Variants in KIF26A observed in about 807,000 individuals in gnomAD.
The protein encoded by KIF26A is kinesin family member 26A, also known as kinesin-like protein KIF26A.
Under a neutral mutation model 126.0 loss-of-function variants are expected in KIF26A, and 74 were observed. The ratio of observed to expected loss-of-function variants is 0.59; its 90% CI spans 0.49 to 0.71. The LOEUF is 0.71. Among genes scored for constraint, KIF26A ranks in the 30% least tolerant of loss-of-function variants. The probability of loss-of-function intolerance (pLI) is 0.00; values close to 1 mark genes in which losing one functional copy is unlikely to be tolerated. For synonymous variants in KIF26A, 1,445 were observed against 1,232.7 expected, an observed-to-expected ratio of 1.17 and a Z score of -3.61; for missense variants, 2,984 against 2,763.3, an observed-to-expected ratio of 1.08 and a Z score of -1.79.
Position 104,177,781 on chromosome 14 carries a change from C to T in KIF26A, c.4993C>T (p.Arg1665Cys), listed in dbSNP as rs754895854. The T allele has an allele frequency of 1.0e-4, 157 of 1,550,564 alleles. No individual in the cohort carries two copies. The highest frequency in any genetic ancestry group is 1.2e-4 in the Non-Finnish European group (143 of 1,155,668). Residue 1665 changes from arginine (R) to cysteine (C), a missense_variant, in exon 12 of 15, where the codon CGC (arginine) becomes TGC (cysteine). Transcript: ENST00000423312. The part of the protein sequence containing the change: ...GGSSGYESLR[R>C]DSEATGSASS... Reference sequence around the variant, plus strand: ...CAGCAGTGGCTATGAGAGCCTGCGGCGCGACAGCGAGGCCACCGGCAGCGC... The same window carrying T: ...CAGCAGTGGCTATGAGAGCCTGCGGTGCGACAGCGAGGCCACCGGCAGCGC...
chr14:104,154,353 A>C (rs757184322), intron 3 of KIF26A, among the ~76,000 whole-genome samples: 17 of 152,138 alleles, frequency 1.1e-4, no homozygotes, highest in Non-Finnish European at 1.9e-4. Flanking sequence ...GGGATGCTGA[A>C]CGTTACTGGG....
intron 13 of KIF26A, among the ~76,000 whole-genome samples, 183 bp from the exon 14 acceptor site, chr14:104,179,053 G>A (rs557586889): frequency 7.2e-5 from 11 of 152,248 alleles, no homozygotes; most frequent in East Asian, 3.9e-4. Flanking sequence ...TCCTAGAGCC[G>A]AGCCAGGACC....
chr14:104,138,687 C>A lies in KIF26A; in HGVS notation c.-36C>A. 1 of 1,263,520 alleles carries A rather than the reference C, an allele frequency of 7.9e-7. No individual in the cohort carries two copies. The highest frequency in any genetic ancestry group is 1.0e-6 in the Non-Finnish European group (1 of 1,003,080). The allele number at this position is 1,263,520 out of a possible 1,614,324, so 78.3% of individuals were successfully genotyped here. On this transcript the variant is annotated 5_prime_UTR_variant, in exon 1 of 15. Coordinates refer to ENST00000423312, the MANE Select transcript of KIF26A (RefSeq NM_015656.2). ...GGCGCCCCCGGAGAGCCAGCGTGGC[C>A]GGGAGCGCCTGCCGGGCTCTTCCCG...
intron 4 of KIF26A, among the ~76,000 whole-genome samples, chr14:104,158,262 C>G (rs961520784): frequency 3.9e-5 from 6 of 152,248 alleles, no homozygotes; most frequent in Non-Finnish European, 7.3e-5. Context: ...ATCAACTAAC[C>G]TCTCTGTGCC....
intron 2 of KIF26A, among the ~76,000 whole-genome samples, chr14:104,140,253 G>A (rs1043910900): frequency 3.3e-5 from 5 of 152,124 alleles, no homozygotes; most frequent in South Asian, 2.1e-4. Context: ...GAGTCTCGGC[G>A]AGGGATAGGA....
chr14:104,144,923 G>C (rs72714966), intron 2 of KIF26A, among the ~76,000 whole-genome samples: 24 of 152,332 alleles, frequency 1.6e-4, no homozygotes, highest in Admixed American at 8.5e-4. Flanking sequence ...TGTGCTGTTG[G>C]GGGGAGTGGC....
At chr14:104,146,633 C>T (rs1410089657) in intron 2 of KIF26A, among the ~76,000 whole-genome samples, 1 of 152,148 alleles carries the variant, frequency 6.6e-6, no homozygotes, top group African/African-American at 2.4e-5. Flanking sequence ...GCTTCTCCTT[C>T]TCCACTGTGT....
At chr14:104,163,796 C>G (rs1451964072) in intron 4 of KIF26A, among the ~76,000 whole-genome samples, 1 of 151,804 alleles carries the variant, frequency 6.6e-6, no homozygotes, top group African/African-American at 2.4e-5. Flanking sequence ...CTGGACCTCA[C>G]CCGGCATCGC....
Position 104,176,806 on chromosome 14 carries a change from C to G in KIF26A, c.4018C>G (p.Pro1340Ala). Residue 1340 changes from proline to alanine, a missense_variant, in exon 12 of 15, where the codon CCC becomes GCC. Pro to Ala is a conservative substitution (Grantham distance 27, BLOSUM62 -1). Transcript: ENST00000423312. The stretch of plus-strand genomic sequence containing the variant: ...CTGCTCGGGGAGCCTGAAGGCCTCC[C>G]CCACCAGCAAGAAGGGTCTGGCTCC... Reference protein sequence around the residue: ...VACSGSLKASPTSKKGLAPKA... With the variant: ...VACSGSLKASATSKKGLAPKA... 2 of 1,563,520 alleles carry G rather than the reference C, an allele frequency of 1.3e-6. No homozygotes were observed. The highest frequency in any genetic ancestry group is 1.7e-6 in the Non-Finnish European group (2 of 1,155,312).
intron 4 of KIF26A, among the ~76,000 whole-genome samples, chr14:104,165,747 G>GACTGTGTC (rs2037889977): frequency 2.0e-5 from 3 of 147,512 alleles, no homozygotes; most frequent in Non-Finnish European, 4.4e-5. Flanking sequence ...GCATATGTGT[G>GACTGTGTC]TCTGTGTTTC....
rs559996053 is a variant in KIF26A at position 104,152,790 on chromosome 14, C to G, written c.735+329C>G. Reference sequence around the variant, plus strand: ...GATGCACAGGGCACCGTGTGTAGATCGGGGCTCACGAGGCAGATGGAGTAG... The same window carrying G: ...GATGCACAGGGCACCGTGTGTAGATGGGGGCTCACGAGGCAGATGGAGTAG... On this transcript the variant is annotated intron_variant, in intron 3 of 14. Coordinates refer to ENST00000423312, the MANE Select transcript of KIF26A (RefSeq NM_015656.2). The surrounding 1 kb of genome is among the most constrained non-coding windows in gnomAD (Gnocchi z 5.9). Among the ~76,000 whole-genome samples the G allele has an allele frequency of 6.6e-6, 1 of 152,084 alleles. No homozygotes were observed. Among genetic ancestry groups the G allele is most frequent in the African/African-American group, 2.4e-5 (1 of 41,406 alleles).
intron 2 of KIF26A, among the ~76,000 whole-genome samples, chr14:104,141,635 T>A (rs544595778): frequency 6.6e-6 from 1 of 150,512 alleles, no homozygotes; most frequent in Non-Finnish European, 1.5e-5. Context: ...GTCTCCGTTG[T>A]AGAGGGAGGC....
At position 104,175,518 on chromosome 14, in the gene KIF26A, T is replaced by C. The variant is rs1340469203; in HGVS notation, c.2730T>C (p.Gly910=). The part of the protein sequence containing the change: ...RGSSGPDTHQ[G]TPEPCKAIVW... ...GTTCTGGTCCAGACACCCACCAGGG[T>C]ACCCCTGAGCCCTGCAAGGCCATTG... The change falls in exon 12 of 15, where the codon GGT becomes GGC. Residue 910 remains glycine, a synonymous_variant. Transcript: ENST00000423312. The C allele has an allele frequency of 1.3e-6, 2 of 1,599,186 alleles. No individual in the cohort carries two copies. The highest frequency in any genetic ancestry group is 1.7e-5 in the Admixed American group (1 of 59,742).
chr14:104,143,753 C>T (rs919161584), intron 2 of KIF26A, among the ~76,000 whole-genome samples: 2 of 152,372 alleles, frequency 1.3e-5, no homozygotes, highest in Admixed American at 1.3e-4. Flanking sequence ...GGCCCGGCTT[C>T]CACTGCTGCC....
At chr14:104,154,999 G>A (rs569746295) in intron 3 of KIF26A, among the ~76,000 whole-genome samples, 10 of 152,200 alleles carry the variant, frequency 6.6e-5, no homozygotes, top group African/African-American at 2.4e-4. Context: ...TTGAACTCAG[G>A]GCTGTCCAGG....
At chr14:104,164,360 G>GC (rs2037860973) in intron 4 of KIF26A, among the ~76,000 whole-genome samples, 1 of 152,182 alleles carries the variant, frequency 6.6e-6, no homozygotes. Flanking sequence ...CTGGCCTCTG[G>GC]CCCGCGTGGG....
intron 6 of KIF26A, among the ~76,000 whole-genome samples, 178 bp downstream of exon 6, chr14:104,172,113 G>C (rs2037964439): frequency 6.6e-6 from 1 of 152,246 alleles, no homozygotes; most frequent in Admixed American, 6.5e-5. Context: ...CAGCGTCCTT[G>C]GGTGTCTCCA....
At chr14:104,153,996 TAGAC>T (rs1690343083) in intron 3 of KIF26A, among the ~76,000 whole-genome samples, 2 of 152,182 alleles carry the variant, frequency 1.3e-5, no homozygotes, top group African/African-American at 4.8e-5. Flanking sequence ...GATTTATAAT[TAGAC>T]AGCAGTCCGG....
Position 104,178,659 on chromosome 14 carries a change from C to T in KIF26A, c.5220C>T (p.Gly1740=), listed in dbSNP as rs750953696. ...QWVDLPPPLA[G]SLKEPFEIKV... is the part of the protein sequence containing the mutation. ...TGGACCTGCCCCCGCCCCTGGCTGGCTCCCTGAAGGAGCCGTTCGAGATCA... is the reference window on the plus strand; with the variant it reads ...TGGACCTGCCCCCGCCCCTGGCTGGTTCCCTGAAGGAGCCGTTCGAGATCA... The change falls in exon 13 of 15, where the codon GGC becomes GGT. Residue 1740 remains glycine, a synonymous_variant. Coordinates refer to ENST00000423312, the MANE Select transcript of KIF26A (RefSeq NM_015656.2). 2.6e-6 allele frequency: 4 copies of T among 1,556,780 alleles called. No individual in the cohort carries two copies. The highest frequency in any genetic ancestry group is 3.5e-6 in the Non-Finnish European group (4 of 1,151,074).
Sources: gnomAD v4.1 joint callset for allele counts (sites outside exome capture counted in the v4.1 genomes callset) on GRCh38, gnomAD v4.1.1 for gene constraint, Gnocchi (gnomAD v3.1) non-coding constraint, MANE v1.5 for transcripts, NCBI Gene and HGNC (gene_info 2026-07-23, HGNC 2026-07-21) for gene names.